Variants in SNX9 observed in about 807,000 individuals in gnomAD.
SNX9 encodes sorting nexin 9, also known as sorting nexin-9.
SNX9 carries 44 observed loss-of-function variants against 89.4 expected under a neutral mutation model. That is an observed-to-expected ratio of 0.49 (90% CI 0.39 to 0.63). The LOEUF is 0.63. Ranked by LOEUF, SNX9 falls within the 30% of genes least tolerant of loss-of-function variation. SNX9 has a pLI of 0.00. For synonymous variants in SNX9, 236 were observed against 247.8 expected (o/e 0.95, Z 0.45); for missense variants, 578 against 736.1 (o/e 0.79, Z 2.49).
At chr6:157,902,078 C>T (rs746698378) in intron 6 of SNX9, 33 bp downstream of exon 6, 66 of 1,605,962 alleles carry the variant, frequency 4.1e-5, no homozygotes, top group Admixed American at 6.8e-5. Flanking sequence ...GAACCAGGGC[C>T]GTGGTAGAAG....
intron 1 of SNX9, among the ~76,000 whole-genome samples, chr6:157,862,385 C>T (rs902505657): frequency 6.6e-6 from 1 of 152,084 alleles, no homozygotes; most frequent in African/African-American, 2.4e-5. Context: ...ACAAGCTTGC[C>T]ATTTAAAGAG....
intron 6 of SNX9, among the ~76,000 whole-genome samples, chr6:157,905,491 G>A (rs1417377362): frequency 6.6e-6 from 1 of 152,064 alleles, no homozygotes; most frequent in Non-Finnish European, 1.5e-5. Context: ...GTGATTTCTG[G>A]AAGTAGTCAA....
At chr6:157,899,892 A>AGAGTGTGT (rs1554295610) in intron 5 of SNX9, among the ~76,000 whole-genome samples, 3 of 151,692 alleles carry the variant, frequency 2.0e-5, no homozygotes, top group African/African-American at 7.3e-5. Flanking sequence ...TGATTACCTA[A>AGAGTGTGT]GTGTGTGTGT....
chr6:157,912,492 G>T (rs371980112), intron 9 of SNX9, among the ~76,000 whole-genome samples: 1 of 152,186 alleles, frequency 6.6e-6, no homozygotes, highest in South Asian at 2.1e-4. Flanking sequence ...GCAGCCCCTC[G>T]GTGTGAAGAA....
chr6:157,894,337 TG>T (rs1782930652), intron 4 of SNX9, among the ~76,000 whole-genome samples: 1 of 151,496 alleles, frequency 6.6e-6, no homozygotes, highest in Non-Finnish European at 1.5e-5. Flanking sequence ...CTCAAACTCC[TG>T]ACCTCAGGTG....
rs377243010 is a variant in SNX9 at position 157,928,585 on chromosome 6, G to A, written c.1185-14G>A. The A allele has an allele frequency of 3.1e-5, 50 of 1,592,646 alleles. No individual in the cohort carries two copies. Among genetic ancestry groups the A allele is most frequent in the Middle Eastern group, 1.6e-4 (1 of 6,062 alleles). On this transcript the variant is annotated splice_polypyrimidine_tract_variant and intron_variant, in intron 11 of 17. Transcript: ENST00000392185. Reference sequence around the variant, plus strand: ...TCTCCTGCTTATGTGACTGACGGCCGCCTTCACCCACAGAGAGCAGAAGTG... The same window carrying A: ...TCTCCTGCTTATGTGACTGACGGCCACCTTCACCCACAGAGAGCAGAAGTG...
intron 1 of SNX9, among the ~76,000 whole-genome samples, chr6:157,866,408 TA>T (rs1782262902): frequency 6.6e-6 from 1 of 152,076 alleles, no homozygotes; most frequent in Non-Finnish European, 1.5e-5. Context: ...ACCTTATCTC[TA>T]CAAAAAATAC....
Position 157,826,840 on chromosome 6 carries a change from A to ATT in SNX9, c.12+3395_12+3396dup, listed in dbSNP as rs1473923819. Among the ~76,000 whole-genome samples the ATT allele has an allele frequency of 7.0e-4, 57 of 81,662 alleles. 9 individuals carry two copies. The highest frequency in any genetic ancestry group is 4.4e-3 in the African/African-American group (56 of 12,700). 53.6% of individuals were successfully genotyped at this position (81,662 alleles called of 152,430 possible). A position where few individuals can be genotyped will look rare whatever the true frequency, so the allele number is the denominator to read the frequency against. ...AATATATATTATATTTTATATATAT[A>ATT]TTATATTTTATATATAAATATATAT... On this transcript the variant is annotated intron_variant, in intron 1 of 17. Coordinates refer to ENST00000392185, the MANE Select transcript of SNX9 (RefSeq NM_016224.5).
intron 6 of SNX9, among the ~76,000 whole-genome samples, chr6:157,905,387 T>C (rs1262013376): frequency 6.6e-6 from 1 of 152,244 alleles, no homozygotes; most frequent in Non-Finnish European, 1.5e-5. Flanking sequence ...AGAAAAATTC[T>C]AAAACCCAAA....
At chr6:157,828,073 A>G (rs1411171867) in intron 1 of SNX9, among the ~76,000 whole-genome samples, 2 of 152,168 alleles carry the variant, frequency 1.3e-5, no homozygotes, top group African/African-American at 4.8e-5. Flanking sequence ...AAACTTCTTT[A>G]TTTGACGACT....
intron 7 of SNX9, among the ~76,000 whole-genome samples, chr6:157,907,155 T>A (rs1270546635): frequency 6.6e-6 from 1 of 152,238 alleles, no homozygotes; most frequent in Non-Finnish European, 1.5e-5. Context: ...AGTAGTTATA[T>A]TAAAGATTTT....
At chr6:157,889,134 C>CAA (rs1782800699) in intron 4 of SNX9, among the ~76,000 whole-genome samples, 1 of 151,960 alleles carries the variant, frequency 6.6e-6, no homozygotes, top group African/African-American at 2.4e-5. Flanking sequence ...GGATGGAGAA[C>CAA]AAAAATGTCA....
At position 157,823,414 on chromosome 6, in the gene SNX9, G is replaced by C; in HGVS notation, c.-21G>C. ...GCGCGGGAGACGAGCCGGCCGTCCC[G>C]GGCCGGGGGACCCGCCCGCCATGGC... On this transcript the variant is annotated 5_prime_UTR_variant, in exon 1 of 18. Transcript: ENST00000392185. The surrounding 1 kb of genome is among the most constrained non-coding windows in gnomAD (Gnocchi z 4.6). The C allele has an allele frequency of 8.0e-7, 1 of 1,255,078 alleles. No homozygotes were observed. Among genetic ancestry groups the C allele is most frequent in the South Asian group, 2.3e-5 (1 of 43,788 alleles). 77.7% of individuals were successfully genotyped at this position (1,255,078 alleles called of 1,614,324 possible).
chr6:157,904,582 G>A (rs893420902), intron 6 of SNX9, among the ~76,000 whole-genome samples: 4 of 151,962 alleles, frequency 2.6e-5, no homozygotes, highest in Non-Finnish European at 5.9e-5. Flanking sequence ...CCACAGAAGC[G>A]CACCTGTAGT....
At position 157,823,773 on chromosome 6, in the gene SNX9, A is replaced by C. The variant is rs1036217088; in HGVS notation, c.12+327A>C. Among the ~76,000 whole-genome samples, 1 of 151,842 alleles carries C rather than the reference A, an allele frequency of 6.6e-6. No individual in the cohort carries two copies. The highest frequency in any genetic ancestry group is 1.5e-5 in the Non-Finnish European group (1 of 67,918). ...CTCGCCGGGAGGGGCCGCGGGACGG[A>C]AACTTCCCGCAGCCCGGGGAGGCCC... On this transcript the variant is annotated intron_variant, in intron 1 of 17. Transcript: ENST00000392185. This position sits in a 1 kb window ranked among gnomAD's most constrained non-coding sequence, Gnocchi z 4.6.
chr6:157,847,119 T>A (rs769561601), intron 1 of SNX9, among the ~76,000 whole-genome samples: 2 of 152,194 alleles, frequency 1.3e-5, no homozygotes, highest in African/African-American at 4.8e-5. Flanking sequence ...GTTTTTGTTT[T>A]TGAGACAGGG....
At chr6:157,880,361 G>T (rs893533174) in intron 4 of SNX9, among the ~76,000 whole-genome samples, 4 of 152,048 alleles carry the variant, frequency 2.6e-5, no homozygotes, top group Non-Finnish European at 5.9e-5. Flanking sequence ...ACCCTTTTGT[G>T]TTCCAGCCTC....
At chr6:157,929,444 G>T (rs1327132993) in intron 12 of SNX9, among the ~76,000 whole-genome samples, 1 of 152,192 alleles carries the variant, frequency 6.6e-6, no homozygotes, top group Non-Finnish European at 1.5e-5. Flanking sequence ...CCCATGCGCA[G>T]ATGCCTTTAA....
intron 1 of SNX9, among the ~76,000 whole-genome samples, chr6:157,834,501 C>A (rs1453597345): frequency 6.8e-6 from 1 of 148,042 alleles, no homozygotes; most frequent in African/African-American, 2.6e-5. Context: ...TGTGTGCCAC[C>A]CCCCCGGCCA....
Sources: gnomAD v4.1 joint callset for allele counts (sites outside exome capture counted in the v4.1 genomes callset) on GRCh38, gnomAD v4.1.1 for gene constraint, Gnocchi (gnomAD v3.1) non-coding constraint, MANE v1.5 for transcripts, NCBI Gene and HGNC (gene_info 2026-07-23, HGNC 2026-07-21) for gene names.